The following PTGDR2 variants were observed in gnomAD, a reference collection of about 807,000 sequenced individuals.
The protein encoded by PTGDR2 is G-protein coupled receptor 44.
For synonymous variants in PTGDR2, 276 were observed against 278.4 expected, an observed-to-expected ratio of 0.99 and a Z score of 0.09; for missense variants, 544 against 576.6, an observed-to-expected ratio of 0.94 and a Z score of 0.58.
In PTGDR2 at chr11:60,852,509, G is replaced by C. The variant is rs1414569396; in HGVS notation, c.*26C>G. 8.8e-6 allele frequency: 11 copies of C among 1,249,090 alleles called. No homozygotes were observed. Among genetic ancestry groups the C allele is most frequent in the Non-Finnish European group, 1.0e-5 (10 of 998,148 alleles). The allele number at this position is 1,249,090 out of a possible 1,614,324, so 77.4% of individuals were successfully genotyped here. A position where few individuals can be genotyped will look rare whatever the true frequency, so the allele number is the denominator to read the frequency against. On this transcript the variant is annotated 3_prime_UTR_variant, in exon 2 of 2. Transcript: ENST00000332539. ...GCACCCTGGTGATACTTTCGCGTGT[G>C]AGTGCCGCCCTACGTGGGCCGGGTT... is the stretch of plus-strand genomic sequence containing the variant.
chr11:60,855,555 C>T (rs367753277), intron 1 of PTGDR2, among the ~76,000 whole-genome samples: 6 of 152,004 alleles, frequency 3.9e-5, no homozygotes, highest in East Asian at 3.9e-4. Context: ...GGTTTGAATC[C>T]CAGCTCCTCA....
In PTGDR2 at chr11:60,852,693, T is replaced by TGCG. The variant is rs55642873; in HGVS notation, c.1027_1029dup (p.Arg343dup). ...GAGGCCGAGCGGGCGGTGGAGGAGG[T>TGCG]GCGGCGGCGGCGGCTGCTTCCCGCG... On this transcript the variant is annotated inframe_insertion, in exon 2 of 2. Transcript: ENST00000332539. The TGCG allele has an allele frequency of 8.8e-3, 12,623 of 1,430,064 alleles. 119 individuals carry two copies. Among genetic ancestry groups the TGCG allele is most frequent in the African/African-American group, 0.044 (2,955 of 67,548 alleles). The allele number at this position is 1,430,064 out of a possible 1,614,324, so 88.6% of individuals were successfully genotyped here.
At position 60,853,551 on chromosome 11, in the gene PTGDR2, C is replaced by T. The variant is rs781753851; in HGVS notation, c.172G>A (p.Gly58Ser). The T allele has an allele frequency of 1.3e-6, 2 of 1,556,336 alleles. No homozygotes were observed. The highest frequency in any genetic ancestry group is 8.7e-7 in the Non-Finnish European group (1 of 1,149,620). ...ACCACGGTCTGGCGCATGCGGCAGC[C>T]CACCACGAAGAGGATGACTCCATTC... ...VENGVILFVV[G>S]CRMRQTVVTT... Residue 58 changes from glycine (G) to serine (S), a missense_variant, in exon 2 of 2, where the codon GGC becomes AGC. Physicochemically the swap from Gly to Ser is moderately conservative, Grantham distance 56 (BLOSUM62 0). Coordinates refer to ENST00000332539, the MANE Select transcript of PTGDR2 (RefSeq NM_004778.3).
In PTGDR2 at chr11:60,853,400, G is replaced by T; in HGVS notation, c.323C>A (p.Ser108Tyr). 6.3e-7 allele frequency: 1 copy of T among 1,586,498 alleles called. No individual in the cohort carries two copies. Among genetic ancestry groups the T allele is most frequent in the Non-Finnish European group, 8.6e-7 (1 of 1,166,312 alleles). ...GAACATGTTGAGAAAGAAGATGGAG[G>T]AGTGCAGTTTGCAGAAGGTGGTGCC... The part of the protein sequence containing the change: ...ELGTTFCKLH[S>Y]SIFFLNMFAS... Residue 108 changes from serine to tyrosine, a missense_variant, in exon 2 of 2, where the codon TCC (serine) becomes TAC (tyrosine). Ser to Tyr is a moderately radical substitution (Grantham distance 144). Transcript: ENST00000332539.
At chr11:60,854,622 A>G (rs1855331551) in intron 1 of PTGDR2, among the ~76,000 whole-genome samples, 2 of 152,340 alleles carry the variant, frequency 1.3e-5, no homozygotes, top group East Asian at 1.9e-4. Context: ...AGGAAATTCC[A>G]TGAGGCTCCA....
chr11:60,853,032 G>A lies in PTGDR2; in HGVS notation c.691C>T (p.Leu231=), dbSNP rs1378700229. Residue 231 remains leucine (L), a synonymous_variant, in exon 2 of 2, where the codon CTG becomes TTG. Coordinates refer to ENST00000332539, the MANE Select transcript of PTGDR2 (RefSeq NM_004778.3). ...CGGCGGCCGCGGTGCTGCAACCGCA[G>A]GCTCACGGCCGCGTGGCTCGAGGCG... ...IIASSHAAVS[L]RLQHRGRRRP... is the part of the protein sequence containing the mutation. 3.2e-6 allele frequency: 5 copies of A among 1,547,196 alleles called. No individual in the cohort carries two copies. In the African/African-American group the frequency reaches 4.1e-5, roughly 13 times the overall value.
In PTGDR2 at chr11:60,852,558, C is replaced by G; in HGVS notation, c.1165G>C (p.Ala389Pro). ...ASPQTGPLNRALSSTSS is the reference protein window; with the variant it reads ...ASPQTGPLNRPLSSTSS The stretch of plus-strand genomic sequence containing the variant: ...TTCTAACTCGAGGTGCTGCTCAGCG[C>G]CCGGTTCAGGGGGCCCGTCTGCGGG... Residue 389 changes from alanine to proline, a missense_variant, in exon 2 of 2, where the codon GCG (alanine) becomes CCG (proline). Ala to Pro is a conservative substitution (Grantham distance 27). Transcript: ENST00000332539. The G allele has an allele frequency of 7.8e-7, 1 of 1,278,198 alleles. No individual in the cohort carries two copies. The highest frequency in any genetic ancestry group is 9.9e-7 in the Non-Finnish European group (1 of 1,013,406). The allele number at this position is 1,278,198 out of a possible 1,614,324, so 79.2% of individuals were successfully genotyped here. A position where few individuals can be genotyped will look rare whatever the true frequency, so the allele number is the denominator to read the frequency against.
chr11:60,852,530 G>A lies in PTGDR2; in HGVS notation c.*5C>T. The A allele has an allele frequency of 7.9e-7, 1 of 1,260,514 alleles. No homozygotes were observed. 78.1% of individuals were successfully genotyped at this position (1,260,514 alleles called of 1,614,324 possible). On this transcript the variant is annotated 3_prime_UTR_variant, in exon 2 of 2. Transcript: ENST00000332539. ...GTGTGAGTGCCGCCCTACGTGGGCC[G>A]GGTTCTAACTCGAGGTGCTGCTCAG...
At position 60,851,465 on chromosome 11, in the gene PTGDR2, C is replaced by T. The variant is rs535624969; in HGVS notation, c.*1070G>A. 10 of 152,288 alleles carry T rather than the reference C, an allele frequency of 6.6e-5. No homozygotes were observed. In the East Asian group the frequency reaches 1.2e-3, roughly 18 times the overall value. 9.4% of individuals were successfully genotyped at this position (152,288 alleles called of 1,614,324 possible). A position where few individuals can be genotyped will look rare whatever the true frequency, so the allele number is the denominator to read the frequency against. On this transcript the variant is annotated 3_prime_UTR_variant, in exon 2 of 2. Coordinates refer to ENST00000332539, the MANE Select transcript of PTGDR2 (RefSeq NM_004778.3). ...AGAGGTGCAAGTTACCCCTCCCATC[C>T]GCAAAAGGGAAATGGTAGCTGCCCA...
chr11:60,854,593 T>A (rs1231467195), intron 1 of PTGDR2, among the ~76,000 whole-genome samples: 1 of 152,202 alleles, frequency 6.6e-6, no homozygotes, highest in Admixed American at 6.5e-5. Flanking sequence ...GTGAGGCTGG[T>A]CAAGACCAGT....
In PTGDR2 at chr11:60,852,529, C is replaced by T; in HGVS notation, c.*6G>A. On this transcript the variant is annotated 3_prime_UTR_variant, in exon 2 of 2. Coordinates refer to ENST00000332539, the MANE Select transcript of PTGDR2 (RefSeq NM_004778.3). ...CGTGTGAGTGCCGCCCTACGTGGGC[C>T]GGGTTCTAACTCGAGGTGCTGCTCA... 7.9e-7 allele frequency: 1 copy of T among 1,260,942 alleles called. No individual in the cohort carries two copies. Among genetic ancestry groups the T allele is most frequent in the Non-Finnish European group, 1.0e-6 (1 of 1,004,810 alleles). The allele number at this position is 1,260,942 out of a possible 1,614,324, so 78.1% of individuals were successfully genotyped here.
chr11:60,851,820 CAG>C lies in PTGDR2; in HGVS notation c.*713_*714del, dbSNP rs1590577244. The C allele has an allele frequency of 6.6e-6, 1 of 152,188 alleles. No homozygotes were observed. Among genetic ancestry groups the C allele is most frequent in the Admixed American group, 6.5e-5 (1 of 15,282 alleles). 9.4% of individuals were successfully genotyped at this position (152,188 alleles called of 1,614,324 possible). On this transcript the variant is annotated 3_prime_UTR_variant, in exon 2 of 2. Coordinates refer to ENST00000332539, the MANE Select transcript of PTGDR2 (RefSeq NM_004778.3). ...TAGGTCAGAGAATGTCCTCGCTCAC[CAG>C]AGAGTCATTGAGCATGTGATGCCTA...
rs1377512340 is a variant in PTGDR2 at position 60,853,626 on chromosome 11, G to A, written c.97C>T (p.His33Tyr). 1 of 1,557,130 alleles carries A rather than the reference G, an allele frequency of 6.4e-7. No individual in the cohort carries two copies. Residue 33 changes from histidine to tyrosine, a missense_variant, in exon 2 of 2, where the codon CAC becomes TAC. By Grantham distance (83) the His-to-Tyr change is moderately conservative (BLOSUM62 2). Coordinates refer to ENST00000332539, the MANE Select transcript of PTGDR2 (RefSeq NM_004778.3). Reference sequence around the variant, plus strand: ...AGCCCGTGCAGCAGCACGGCCGCGTGGTCGATGTAGCGGATGCTGGTGTTG... The same window carrying A: ...AGCCCGTGCAGCAGCACGGCCGCGTAGTCGATGTAGCGGATGCTGGTGTTG... ...HSNTSIRYID[H>Y]AAVLLHGLAS...
intron 1 of PTGDR2, among the ~76,000 whole-genome samples, chr11:60,855,333 T>A (rs1322842617): frequency 1.3e-5 from 2 of 152,136 alleles, no homozygotes; most frequent in African/African-American, 4.8e-5. Context: ...GCAGACCAGC[T>A]GCTGCTGATC....
At chr11:60,855,479 T>C (rs7949252) in intron 1 of PTGDR2, among the ~76,000 whole-genome samples, 12,251 of 140,650 alleles carry the variant, frequency 0.087, 1,026 homozygotes, top group African/African-American at 0.23. Context: ...GGTCCGGCTT[T>C]GGCAGGTTAA....
At position 60,853,316 on chromosome 11, in the gene PTGDR2, G is replaced by A. The variant is rs148279533; in HGVS notation, c.407C>T (p.Pro136Leu). The change falls in exon 2 of 2, where the codon CCG becomes CTG. Residue 136 changes from proline to leucine, a missense_variant. By Grantham distance (98) the Pro-to-Leu change is moderately conservative. Coordinates refer to ENST00000332539, the MANE Select transcript of PTGDR2 (RefSeq NM_004778.3). ...SLDRCLQVVR[P>L]VWAQNHRTVA... Reference sequence around the variant, plus strand: ...GGTGCGGTGGTTCTGCGCCCACACCGGCCGCACCACCTGCAGGCAGCGGTC... The same window carrying A: ...GGTGCGGTGGTTCTGCGCCCACACCAGCCGCACCACCTGCAGGCAGCGGTC... 1.9e-6 allele frequency: 3 copies of A among 1,610,904 alleles called. No homozygotes were observed. The highest frequency in any genetic ancestry group is 2.2e-5 in the East Asian group (1 of 44,780).
At chr11:60,853,803 A>C (rs1159018104) in intron 1 of PTGDR2, 72 bp from the exon 2 acceptor site, 3 of 1,218,866 alleles carry the variant, frequency 2.5e-6, no homozygotes, top group African/African-American at 3.1e-5. Context: ...AGAGGCCCGG[A>C]GTGGGACCCT....
rs1855286869 is a variant in PTGDR2 at position 60,852,581 on chromosome 11, G to C, written c.1142C>G (p.Pro381Arg). The part of the protein sequence containing the change: ...GWLLGSCAAS[P>R]QTGPLNRALS... ...CGCCCGGTTCAGGGGGCCCGTCTGC[G>C]GGGACGCTGCGCAGCTGCCCAGCAG... Residue 381 changes from proline to arginine, a missense_variant, in exon 2 of 2, where the codon CCG becomes CGG. Coordinates refer to ENST00000332539, the MANE Select transcript of PTGDR2 (RefSeq NM_004778.3). 2 of 1,293,580 alleles carry C rather than the reference G, an allele frequency of 1.5e-6. No homozygotes were observed. The highest frequency in any genetic ancestry group is 1.5e-5 in the African/African-American group (1 of 64,646). The allele number at this position is 1,293,580 out of a possible 1,614,324, so 80.1% of individuals were successfully genotyped here. A position where few individuals can be genotyped will look rare whatever the true frequency, so the allele number is the denominator to read the frequency against.
At chr11:60,854,151 C>CT (rs1402806885) in intron 1 of PTGDR2, among the ~76,000 whole-genome samples, 1 of 152,232 alleles carries the variant, frequency 6.6e-6, no homozygotes, top group East Asian at 1.9e-4. Flanking sequence ...CCCCAGAGCA[C>CT]TGGCGGGTGA....
Sources: allele counts gnomAD v4.1 joint callset (sites outside exome capture counted in the v4.1 genomes callset), GRCh38; gene constraint gnomAD v4.1.1; transcripts MANE v1.5; gene names NCBI Gene and HGNC (gene_info 2026-07-23, HGNC 2026-07-21).